The following ENG variants were observed in gnomAD, a reference collection of about 807,000 sequenced individuals.
The protein encoded by ENG is endoglin, also known as CD105 antigen.
A neutral mutation model predicts 71.0 loss-of-function variants in ENG; 17 were observed. The ratio of observed to expected loss-of-function variants is 0.24; its 90% CI spans 0.16 to 0.36. The LOEUF is 0.36. Ranked by LOEUF, ENG falls within the 10% of genes least tolerant of loss-of-function variation. The pLI, the probability that ENG is intolerant of heterozygous loss-of-function variation, is 1.00. For missense variants in ENG, 749 were observed against 868.3 expected (o/e 0.86, Z 1.73); for synonymous variants, 360 against 366.9 (o/e 0.98, Z 0.21).
chr9:127,836,864 T>C lies in ENG; in HGVS notation c.219+6230A>G, dbSNP rs995590174. On this transcript the variant is annotated intron_variant, in intron 2 of 14. Coordinates refer to ENST00000373203, the MANE Select transcript of ENG (RefSeq NM_001114753.3). The surrounding 1 kb of genome is among the most constrained non-coding windows in gnomAD (Gnocchi z 4.0). The stretch of plus-strand genomic sequence containing the variant: ...GTACAGTGGCACGATCTCGGCTCAC[T>C]GCAATCTCCGCCTCCTGGGTTCAAG... Among the ~76,000 whole-genome samples the C allele has an allele frequency of 1.3e-5, 2 of 151,858 alleles. No homozygotes were observed. Among genetic ancestry groups the C allele is most frequent in the African/African-American group, 4.8e-5 (2 of 41,366 alleles).
At chr9:127,826,952 C>T (rs1221601258) in intron 3 of ENG, 1 of 465,582 alleles carries the variant, frequency 2.1e-6, no homozygotes, top group East Asian at 4.2e-5. Flanking sequence ...TCTCATTCAA[C>T]CCACATCTAC....
intron 1 of ENG, among the ~76,000 whole-genome samples, chr9:127,845,292 A>T (rs1017313536): frequency 6.6e-6 from 1 of 152,196 alleles, no homozygotes; most frequent in Non-Finnish European, 1.5e-5. Context: ...ACCTTCCCAC[A>T]GCACGTTGGG....
At chr9:127,821,867 T>C (rs1830475149) in intron 8 of ENG, among the ~76,000 whole-genome samples, 1 of 98,234 alleles carries the variant, frequency 1.0e-5, no homozygotes, top group Admixed American at 1.3e-4. Context: ...CGGGCAATAG[T>C]GTGAGACTGT....
At chr9:127,848,706 G>A (rs543240548) in intron 1 of ENG, among the ~76,000 whole-genome samples, 2 of 152,298 alleles carry the variant, frequency 1.3e-5, no homozygotes, top group African/African-American at 2.4e-5. Context: ...ACATGCCCAG[G>A]TGTGCTGTTT....
At chr9:127,822,066 GA>G (rs1186192268) in intron 8 of ENG, among the ~76,000 whole-genome samples, 3 of 149,790 alleles carry the variant, frequency 2.0e-5, no homozygotes. Context: ...AAAAAGAAAA[GA>G]AAAGAAAAAC....
In ENG at chr9:127,815,487, G is replaced by A; in HGVS notation, c.*195C>T. On this transcript the variant is annotated 3_prime_UTR_variant, in exon 15 of 15. Coordinates refer to ENST00000373203, the MANE Select transcript of ENG (RefSeq NM_001114753.3). The stretch of plus-strand genomic sequence containing the variant: ...ACTGGGTTGAAGGTTCTGTGGGGTG[G>A]AGGGACCCCAAGGTGTTCCAAGCCA... 1.8e-6 allele frequency: 2 copies of A among 1,096,150 alleles called. No homozygotes were observed. Among genetic ancestry groups the A allele is most frequent in the Non-Finnish European group, 2.5e-6 (2 of 792,026 alleles). The allele number at this position is 1,096,150 out of a possible 1,614,324, so 67.9% of individuals were successfully genotyped here. A position where few individuals can be genotyped will look rare whatever the true frequency, so the allele number is the denominator to read the frequency against.
At chr9:127,817,095 C>T (rs567663730) in intron 13 of ENG, 54 bp downstream of exon 13, 1 of 1,601,932 alleles carries the variant, frequency 6.2e-7, no homozygotes, top group Non-Finnish European at 8.6e-7. Flanking sequence ...CCCGCTGTGC[C>T]CTACTGTGAC....
intron 1 of ENG, chr9:127,847,070 G>T: frequency 2.4e-6 from 1 of 421,302 alleles, no homozygotes; most frequent in Non-Finnish European, 3.2e-6. Context: ...TTCCCCATTT[G>T]CAGACCACCA....
At position 127,838,528 on chromosome 9, in the gene ENG, A is replaced by C. The variant is rs1242489870; in HGVS notation, c.219+4566T>G. Among the ~76,000 whole-genome samples the C allele has an allele frequency of 1.3e-5, 2 of 151,968 alleles. No homozygotes were observed. The highest frequency in any genetic ancestry group is 4.8e-5 in the African/African-American group (2 of 41,370). ...TTGCCTGCCCCTCTGGTCAAGAGTGAGTCAGTGCTGGGGCCTGACAGGCTG... is the reference window on the plus strand; with the variant it reads ...TTGCCTGCCCCTCTGGTCAAGAGTGCGTCAGTGCTGGGGCCTGACAGGCTG... On this transcript the variant is annotated intron_variant, in intron 2 of 14. Coordinates refer to ENST00000373203, the MANE Select transcript of ENG (RefSeq NM_001114753.3). The surrounding 1 kb of genome is among the most constrained non-coding windows in gnomAD (Gnocchi z 4.3).
In ENG at chr9:127,818,942, T is replaced by C. The variant is rs563248670; in HGVS notation, c.1312-110A>G. 2.2e-3 allele frequency: 1,213 copies of C among 546,864 alleles called. 3 individuals carry two copies. Among genetic ancestry groups the C allele is most frequent in the African/African-American group, 7.0e-3 (354 of 50,712 alleles). The allele number at this position is 546,864 out of a possible 1,614,324, so 33.9% of individuals were successfully genotyped here. On this transcript the variant is annotated intron_variant, in intron 10 of 14. Coordinates refer to ENST00000373203, the MANE Select transcript of ENG (RefSeq NM_001114753.3). ...GCCCTGTGGAGTTGCCTGACTCTCT[T>C]TTTTTTTTTTTTTGAGACGGAGTCT...
chr9:127,826,592 A>G lies in ENG; in HGVS notation c.441T>C (p.Leu147=), dbSNP rs1362439672. 3 of 1,614,056 alleles carry G rather than the reference A, an allele frequency of 1.9e-6. No individual in the cohort carries two copies. Among genetic ancestry groups the G allele is most frequent in the Non-Finnish European group, 2.5e-6 (3 of 1,179,998 alleles). ...TGGGGCCCCTCTCAGCTGCCCACTC[A>G]AGGATCTGGGTCTTGGGGAAGGATG... ...ELPSFPKTQI[L]EWAAERGPIT... is the part of the protein sequence containing the mutation. Residue 147 remains leucine, a synonymous_variant, in exon 4 of 15, where the codon CTT becomes CTC. Coordinates refer to ENST00000373203, the MANE Select transcript of ENG (RefSeq NM_001114753.3).
At position 127,843,177 on chromosome 9, in the gene ENG, T is replaced by C. The variant is rs1831082556; in HGVS notation, c.136A>G (p.Thr46Ala). Residue 46 changes from threonine (T) to alanine (A), a missense_variant, in exon 2 of 15, where the codon ACT becomes GCT. Physicochemically the swap from Thr to Ala is moderately conservative, Grantham distance 58. Transcript: ENST00000373203. ...GPERGEVTYT[T>A]SQVSKGCVAQ... ...ACGCAGCCCTTCGAGACCTGGCTAG[T>C]GGTATATGTCACCTCGCCCCTCTCG... 1 of 1,614,032 alleles carries C rather than the reference T, an allele frequency of 6.2e-7. No homozygotes were observed. The highest frequency in any genetic ancestry group is 8.5e-7 in the Non-Finnish European group (1 of 1,180,046).
chr9:127,825,146 T>C (rs1277510285), intron 6 of ENG, 85 bp downstream of exon 6: 4 of 1,611,234 alleles, frequency 2.5e-6, no homozygotes, highest in East Asian at 2.2e-5. Context: ...TCAGCTCAGC[T>C]CGGGGGTTCA....
chr9:127,839,465 G>T (rs1283328114), intron 2 of ENG, among the ~76,000 whole-genome samples: 1 of 152,214 alleles, frequency 6.6e-6, no homozygotes, highest in Non-Finnish European at 1.5e-5. Context: ...ACAAGAAGCA[G>T]CAGGAGGAGG....
intron 8 of ENG, among the ~76,000 whole-genome samples, chr9:127,823,549 C>G (rs966448739): frequency 3.3e-5 from 5 of 151,478 alleles, no homozygotes; most frequent in African/African-American, 9.7e-5. Flanking sequence ...CCACCACACC[C>G]GGTTAATTTT....
At chr9:127,818,084 C>T (rs1830372909) in intron 12 of ENG, 36 bp downstream of exon 12, 1 of 1,613,598 alleles carries the variant, frequency 6.2e-7, no homozygotes, top group African/African-American at 1.3e-5. Context: ...CTGGAAGCTC[C>T]CACTTGAAGC....
intron 8 of ENG, 73 bp downstream of exon 8, chr9:127,824,231 C>T (rs1000620593): frequency 2.5e-6 from 4 of 1,611,926 alleles, no homozygotes; most frequent in Non-Finnish European, 3.4e-6. Context: ...GGCTAGGACC[C>T]CAAGAGTCTT....
chr9:127,818,651 G>T, intron 11 of ENG, 65 bp downstream of exon 11: 1 of 1,553,508 alleles, frequency 6.4e-7, no homozygotes, highest in Non-Finnish European at 8.9e-7. Flanking sequence ...GTCATGGTGG[G>T]AAGAAAGGCG....
intron 3 of ENG, chr9:127,826,948 T>C: frequency 2.1e-6 from 1 of 474,390 alleles, no homozygotes; most frequent in Non-Finnish European, 3.9e-6. Flanking sequence ...CTGTTCTCAT[T>C]CAACCCACAT....
Sources: gnomAD v4.1 joint callset for allele counts (sites outside exome capture counted in the v4.1 genomes callset) on GRCh38, gnomAD v4.1.1 for gene constraint, Gnocchi (gnomAD v3.1) non-coding constraint, MANE v1.5 for transcripts, NCBI Gene and HGNC (gene_info 2026-07-23, HGNC 2026-07-21) for gene names.